The following AGBL4 variants were observed in gnomAD, a reference collection of about 807,000 sequenced individuals.
AGBL4 encodes cytosolic carboxypeptidase 6.
Under a neutral mutation model 66.4 loss-of-function variants are expected in AGBL4, and 58 were observed. The ratio of observed to expected loss-of-function variants is 0.87; its 90% confidence interval spans 0.71 to 1.09. The LOEUF is 1.09. AGBL4 is among the 50% of genes least tolerant of loss of function. The pLI, the probability that AGBL4 is intolerant of heterozygous loss-of-function variation, is 0.00. For missense variants in AGBL4, 579 were observed against 631.0 expected (o/e 0.92, Z 0.88); for synonymous variants, 234 against 222.9 (o/e 1.05, Z -0.44).
At chr1:48,590,576 C>T (rs527318354) in intron 10 of AGBL4, among the ~76,000 whole-genome samples, 2 of 151,886 alleles carry the variant, frequency 1.3e-5, no homozygotes, top group South Asian at 2.1e-4. Flanking sequence ...AAAACAAAAA[C>T]CCCAAAACAA....
intron 3 of AGBL4, among the ~76,000 whole-genome samples, chr1:49,403,066 A>G (rs1189221659): frequency 6.6e-6 from 1 of 152,218 alleles, no homozygotes; most frequent in Non-Finnish European, 1.5e-5. Flanking sequence ...GATCTGTCCA[A>G]TGCTGAAAGT....
At chr1:50,001,330 A>C (rs1480353685) in intron 1 of AGBL4, among the ~76,000 whole-genome samples, 1 of 151,570 alleles carries the variant, frequency 6.6e-6, no homozygotes, top group Non-Finnish European at 1.5e-5. Context: ...TGATAGTAGA[A>C]GAGTGACTTT....
At chr1:49,323,166 C>A (rs1307335263) in intron 3 of AGBL4, among the ~76,000 whole-genome samples, 1 of 152,130 alleles carries the variant, frequency 6.6e-6, no homozygotes, top group Non-Finnish European at 1.5e-5. Context: ...ACTTTCAAGG[C>A]CTTTCACATT....
At chr1:48,778,180 C>T (rs1474996823) in intron 6 of AGBL4, among the ~76,000 whole-genome samples, 1 of 152,044 alleles carries the variant, frequency 6.6e-6, no homozygotes, top group Non-Finnish European at 1.5e-5. Context: ...TCCATCCATC[C>T]AACCATCCAT....
chr1:49,825,177 G>C (rs1435660907), intron 2 of AGBL4, among the ~76,000 whole-genome samples: 1 of 152,146 alleles, frequency 6.6e-6, no homozygotes, highest in African/African-American at 2.4e-5. Context: ...TACAAAAACT[G>C]TCATTTTCTT....
intron 3 of AGBL4, among the ~76,000 whole-genome samples, chr1:49,531,023 A>C (rs1651101306): frequency 6.6e-6 from 1 of 152,060 alleles, no homozygotes; most frequent in East Asian, 1.9e-4. Flanking sequence ...TCAATCAATA[A>C]ATTCTCACCT....
At chr1:48,666,523 C>T (rs1005267263) in intron 6 of AGBL4, among the ~76,000 whole-genome samples, 2 of 152,216 alleles carry the variant, frequency 1.3e-5, no homozygotes, top group Non-Finnish European at 2.9e-5. Flanking sequence ...CCTTAGCATG[C>T]ACGTGCACAC....
At chr1:48,795,469 T>C (rs1934407) in intron 6 of AGBL4, among the ~76,000 whole-genome samples, 135,133 of 152,082 alleles carry the variant, frequency 0.89, 62,089 homozygotes, top group Non-Finnish European at 1. Context: ...ATTAGAGATT[T>C]ACATATAGTG....
intron 4 of AGBL4, among the ~76,000 whole-genome samples, chr1:49,050,058 T>C (rs1044223580): frequency 1.1e-4 from 17 of 151,944 alleles, no homozygotes; most frequent in African/African-American, 2.9e-4. Context: ...AGAAAGAAAA[T>C]GGCACAACAC....
chr1:48,763,591 GT>G (rs1319754560), intron 6 of AGBL4, among the ~76,000 whole-genome samples: 2 of 152,122 alleles, frequency 1.3e-5, no homozygotes, highest in Non-Finnish European at 2.9e-5. Flanking sequence ...CTAGTCTTCA[GT>G]TTGACAAGTT....
At chr1:49,366,225 T>C (rs778956487) in intron 3 of AGBL4, among the ~76,000 whole-genome samples, 7 of 152,206 alleles carry the variant, frequency 4.6e-5, no homozygotes, top group Non-Finnish European at 1.0e-4. Flanking sequence ...GTCTTGATCA[T>C]TGCTATATCC....
intron 2 of AGBL4, among the ~76,000 whole-genome samples, chr1:49,814,250 A>G (rs1645178406): frequency 6.6e-6 from 1 of 152,152 alleles, no homozygotes; most frequent in South Asian, 2.1e-4. Flanking sequence ...AATGTACCAT[A>G]TAAGTATCTA....
Position 49,367,331 on chromosome 1 carries a change from C to A in AGBL4, c.283-121467G>T, listed in dbSNP as rs373332661. On this transcript the variant is annotated intron_variant, in intron 3 of 13. Coordinates refer to ENST00000371839, the MANE Select transcript of AGBL4 (RefSeq NM_032785.4). ...ATCATGCTATTACTTCATGTGAGAT[C>A]TAAATGTTAAAAAGATCCTGGCACT... 3.5e-4 allele frequency among the ~76,000 whole-genome samples: 53 copies of A among 152,234 alleles called. 1 individual carries two copies. The South Asian group carries it at 9.8e-3, about 28-fold the overall frequency.
intron 3 of AGBL4, among the ~76,000 whole-genome samples, chr1:49,387,229 A>G (rs1233354224): frequency 6.6e-6 from 1 of 151,922 alleles, no homozygotes; most frequent in Non-Finnish European, 1.5e-5. Context: ...TCTAAATTCT[A>G]CAAATTACAC....
chr1:49,349,367 A>G (rs1019905953), intron 3 of AGBL4, among the ~76,000 whole-genome samples: 1 of 152,200 alleles, frequency 6.6e-6, no homozygotes, highest in Admixed American at 6.5e-5. Flanking sequence ...ACACAGAAAG[A>G]ACTAAATTAT....
intron 5 of AGBL4, among the ~76,000 whole-genome samples, chr1:48,879,610 T>C (rs748472061): frequency 1.6e-4 from 24 of 152,176 alleles, no homozygotes; most frequent in Non-Finnish European, 2.2e-4. Flanking sequence ...AATGCTTTCA[T>C]AAAAAGCTCA....
chr1:49,261,078 T>A (rs1653110912), intron 3 of AGBL4, among the ~76,000 whole-genome samples: 1 of 152,112 alleles, frequency 6.6e-6, no homozygotes, highest in South Asian at 2.1e-4. Flanking sequence ...TCTCAATAGA[T>A]GCAGAAAAGT....
intron 1 of AGBL4, among the ~76,000 whole-genome samples, chr1:49,954,680 A>G (rs891694119): frequency 3.9e-5 from 6 of 152,134 alleles, no homozygotes; most frequent in Non-Finnish European, 7.4e-5. Flanking sequence ...TTAGGCATAA[A>G]TATGAGACTT....
intron 1 of AGBL4, chr1:49,994,731 A>T (rs1375706435): frequency 5.5e-6 from 1 of 181,570 alleles, no homozygotes; most frequent in Non-Finnish European, 1.2e-5. Context: ...GAAACATACC[A>T]GGAAAGCTCA....
Sources: allele counts gnomAD v4.1 joint callset (sites outside exome capture counted in the v4.1 genomes callset), GRCh38; gene constraint gnomAD v4.1.1; transcripts MANE v1.5; gene names NCBI Gene and HGNC (gene_info 2026-07-23, HGNC 2026-07-21).